AGMO: variants seen among roughly 807,000 people sequenced by gnomAD.
AGMO encodes the protein alkylglycerol monooxygenase, also known as glyceryl-ether monooxygenase.
Under a neutral mutation model 60.2 loss-of-function variants are expected in AGMO, and 75 were observed. The ratio of observed to expected loss-of-function variants is 1.25; its 90% CI spans 1.03 to 1.51. The LOEUF is 1.51. AGMO is among the 40% of genes most tolerant of loss of function. The probability of loss-of-function intolerance (pLI) is 0.00; values close to 1 mark genes in which losing one functional copy is unlikely to be tolerated. For missense variants in AGMO, 763 were observed against 525.5 expected (o/e 1.45, Z -4.42); for synonymous variants, 261 against 177.1 (o/e 1.47, Z -3.76).
chr7:15,330,874 T>C (rs539407184), intron 12 of AGMO, among the ~76,000 whole-genome samples: 2 of 152,254 alleles, frequency 1.3e-5, no homozygotes, highest in East Asian at 1.9e-4. Context: ...CTTAATGATC[T>C]ATATTTTATG....
At chr7:15,223,072 T>C (rs1009726301) in intron 12 of AGMO, among the ~76,000 whole-genome samples, 7 of 152,046 alleles carry the variant, frequency 4.6e-5, no homozygotes, top group Admixed American at 1.3e-4. Flanking sequence ...TAGTTTTATA[T>C]TTAATTCAAA....
At chr7:15,156,927 T>C in the AGMO span, among the ~76,000 whole-genome samples, 2 of 152,298 alleles carry the variant, frequency 1.3e-5, no homozygotes, top group African/African-American at 4.8e-5. Context: ...TTCTATTGGC[T>C]TTCAAAGTTT....
the AGMO span, among the ~76,000 whole-genome samples, chr7:15,193,443 C>T: frequency 1.3e-5 from 2 of 152,002 alleles, no homozygotes; most frequent in Non-Finnish European, 2.9e-5. Context: ...AAATTCTGTT[C>T]CTTCTTGGTA....
At chr7:15,150,782 G>A in the AGMO span, among the ~76,000 whole-genome samples, 3 of 152,054 alleles carry the variant, frequency 2.0e-5, no homozygotes, top group Non-Finnish European at 2.9e-5. Flanking sequence ...TTGTGTCTCT[G>A]CCAGGTTTTG....
In AGMO at chr7:15,461,437, T is replaced by C. The variant is rs137890309; in HGVS notation, c.410-30329A>G. 4.1e-3 allele frequency among the ~76,000 whole-genome samples: 622 copies of C among 151,900 alleles called. 5 individuals are homozygous for C. The highest frequency in any genetic ancestry group is 0.014 in the African/African-American group (588 of 41,438). ...TAGCACCTCTGGATAGTAGTAATCA[T>C]CATGTATTATACTTAAGGTCAAGAA... On this transcript the variant is annotated intron_variant, in intron 3 of 12. Transcript: ENST00000342526.
chr7:15,282,115 T>A (rs73060452), intron 12 of AGMO, among the ~76,000 whole-genome samples: 15,363 of 152,068 alleles, frequency 0.1, 861 homozygotes, highest in South Asian at 0.14. Context: ...GAACATATAG[T>A]CTGCCCAAAT....
chr7:15,172,759 G>A, the AGMO span, among the ~76,000 whole-genome samples: 1 of 152,148 alleles, frequency 6.6e-6, no homozygotes, highest in Non-Finnish European at 1.5e-5. Context: ...TGGTAAAGAA[G>A]AAGCTACAGG....
At position 15,387,468 on chromosome 7, in the gene AGMO, A is replaced by C. The variant is rs889334874; in HGVS notation, c.895T>G (p.Phe299Val). 18 of 1,614,068 alleles carry C rather than the reference A, an allele frequency of 1.1e-5. No individual in the cohort carries two copies. The highest frequency in any genetic ancestry group is 1.4e-5 in the Non-Finnish European group (17 of 1,180,024). Reference sequence around the variant, plus strand: ...CCTGGACCCCATCCCGGTCCCTTAAATATGACAGAAAACTTATTGAAGAAT... The same window carrying C: ...CCTGGACCCCATCCCGGTCCCTTAACTATGACAGAAAACTTATTGAAGAAT... Reference protein sequence around the residue: ...PGFFNKFSVIFKGPGWGPGKP... With the variant: ...PGFFNKFSVIVKGPGWGPGKP... The change falls in exon 9 of 13, where the codon TTT becomes GTT. Residue 299 changes from phenylalanine (F) to valine (V), a missense_variant. Phe to Val is a conservative substitution (Grantham distance 50). Coordinates refer to ENST00000342526, the MANE Select transcript of AGMO (RefSeq NM_001004320.2).
chr7:15,493,715 G>C (rs1362626060), intron 3 of AGMO, among the ~76,000 whole-genome samples: 1 of 152,024 alleles, frequency 6.6e-6, no homozygotes, highest in African/African-American at 2.4e-5. Flanking sequence ...TATCTTAGAG[G>C]CCTCATGCCC....
chr7:15,297,311 A>C (rs1293913801), intron 12 of AGMO, among the ~76,000 whole-genome samples: 1 of 152,198 alleles, frequency 6.6e-6, no homozygotes, highest in Non-Finnish European at 1.5e-5. Context: ...AATACTTCTA[A>C]AGGACAAGAG....
At chr7:15,449,942 G>A (rs1414159652) in intron 3 of AGMO, among the ~76,000 whole-genome samples, 2 of 152,088 alleles carry the variant, frequency 1.3e-5, no homozygotes, top group Non-Finnish European at 2.9e-5. Context: ...CACATTTTAA[G>A]AGCACCTGTT....
At chr7:15,139,106 A>T in the AGMO span, among the ~76,000 whole-genome samples, 2 of 152,144 alleles carry the variant, frequency 1.3e-5, no homozygotes, top group Non-Finnish European at 2.9e-5. Flanking sequence ...ATTTTAATTT[A>T]TCACCCACTT....
chr7:15,515,328 C>G (rs1276474680), intron 3 of AGMO, among the ~76,000 whole-genome samples: 1 of 152,158 alleles, frequency 6.6e-6, no homozygotes, highest in Admixed American at 6.5e-5. Context: ...CATACTTTTA[C>G]TTTGGACATT....
chr7:15,217,212 G>T (rs1781766813), intron 12 of AGMO, among the ~76,000 whole-genome samples: 1 of 151,872 alleles, frequency 6.6e-6, no homozygotes, highest in Non-Finnish European at 1.5e-5. Context: ...GAAATTGTTG[G>T]GGCCCCCAAA....
chr7:15,133,443 G>C, the AGMO span, among the ~76,000 whole-genome samples: 1 of 152,090 alleles, frequency 6.6e-6, no homozygotes, highest in African/African-American at 2.4e-5. Context: ...TGGACTCTAA[G>C]GAAGTAGGGA....
chr7:15,479,191 G>A (rs1391516812), intron 3 of AGMO, among the ~76,000 whole-genome samples: 1 of 152,052 alleles, frequency 6.6e-6, no homozygotes, highest in Non-Finnish European at 1.5e-5. Context: ...TGAAAAAGAG[G>A]GGACAACCTA....
intron 3 of AGMO, among the ~76,000 whole-genome samples, chr7:15,447,947 G>A (rs553940450): frequency 2.3e-3 from 356 of 152,170 alleles, no homozygotes; most frequent in African/African-American, 8.2e-3. Context: ...CAGAATGGGG[G>A]GTTTTGTTTC....
chr7:15,396,762 C>T (rs183448584), intron 5 of AGMO, among the ~76,000 whole-genome samples: 2 of 151,654 alleles, frequency 1.3e-5, no homozygotes, highest in East Asian at 3.9e-4. Flanking sequence ...TTACGGAGAG[C>T]TGATTGGTCC....
At chr7:15,118,894 T>A in the AGMO span, among the ~76,000 whole-genome samples, 1 of 42,688 alleles carries the variant, frequency 2.3e-5, no homozygotes, top group African/African-American at 8.6e-5. Flanking sequence ...TTTTTTTTTT[T>A]TTTTTTTTTT....
Sources: gnomAD v4.1 joint callset for allele counts (sites outside exome capture counted in the v4.1 genomes callset) on GRCh38, gnomAD v4.1.1 for gene constraint, MANE v1.5 for transcripts, NCBI Gene and HGNC (gene_info 2026-07-23, HGNC 2026-07-21) for gene names.